CELA3B: variants seen among roughly 807,000 people sequenced by gnomAD.
CELA3B encodes chymotrypsin like elastase 3B.
Under a neutral mutation model 37.2 loss-of-function variants are expected in CELA3B, and 34 were observed. That is an observed-to-expected ratio of 0.91 (90% CI 0.70 to 1.22). The LOEUF is 1.22. Ranked by LOEUF, CELA3B falls within the 50% of genes most tolerant of loss-of-function variation. The pLI is 0.00. For missense variants in CELA3B, 340 were observed against 363.1 expected (o/e 0.94, Z 0.52); for synonymous variants, 127 against 143.5 (o/e 0.89, Z 0.82).
intron 4 of CELA3B, 63 bp downstream of exon 4, chr1:21,981,235 C>G: frequency 6.4e-7 from 1 of 1,557,906 alleles, no homozygotes; most frequent in African/African-American, 1.4e-5. Context: ...TGACCCACAG[C>G]CAAGTCTGAG....
At position 21,997,387 on chromosome 1, in the gene CELA3B, G is replaced by A. The variant is rs554293102; in HGVS notation, c.505-764G>A. ...AAAGAGCAAGACAAGAGCAAGACTC[G>A]TCTCAAAAAAAAAAAAAAATGCTGG... On this transcript the variant is annotated intron_variant, in intron 4 of 4. Transcript: ENST00000400277. Among the ~76,000 whole-genome samples the A allele has an allele frequency of 2.9e-4, 24 of 83,904 alleles. No individual in the cohort carries two copies. In the East Asian group the frequency reaches 3.0e-3, roughly 11 times the overall value. 55.0% of individuals were successfully genotyped at this position (83,904 alleles called of 152,430 possible).
At position 21,980,134 on chromosome 1, in the gene CELA3B, G is replaced by A. The variant is rs370345241; in HGVS notation, c.130-690G>A. Among the ~76,000 whole-genome samples the A allele has an allele frequency of 6.6e-3, 803 of 120,948 alleles. 24 individuals are homozygous for A. The highest frequency in any genetic ancestry group is 0.058 in the East Asian group (259 of 4,492). 79.3% of individuals were successfully genotyped at this position (120,948 alleles called of 152,430 possible). A position where few individuals can be genotyped will look rare whatever the true frequency, so the allele number is the denominator to read the frequency against. ...GGAAGAGAGGCAAAGAACTCATCAG[G>A]GTGAGCTGTGCTTCAGAAGGCTCAA... is the stretch of plus-strand genomic sequence containing the variant. On this transcript the variant is annotated intron_variant, in intron 2 of 7. Transcript: ENST00000337107.
intron 4 of CELA3B, among the ~76,000 whole-genome samples, chr1:21,995,597 C>T (rs1644887352): frequency 6.6e-6 from 1 of 151,126 alleles, no homozygotes; most frequent in Admixed American, 6.6e-5. Context: ...AAGTTATCCC[C>T]TTCCCTTTTT....
chr1:21,981,667 C>T (rs7531316), intron 4 of CELA3B, among the ~76,000 whole-genome samples: 137,085 of 151,622 alleles, frequency 0.9, 62,776 homozygotes, highest in Non-Finnish European at 0.98. Context: ...GAAGTTGGGC[C>T]TCCCGGGTGG....
Position 21,983,465 on chromosome 1 carries a change from G to A in CELA3B, c.363-229G>A, listed in dbSNP as rs574742959. ...GGAGGTGAAAGCAGGAGGATCCCTT[G>A]GCCCAGGAGGCTGCAGTGAGCTATG... On this transcript the variant is annotated intron_variant, in intron 4 of 7. Coordinates refer to ENST00000337107, the MANE Select transcript of CELA3B (RefSeq NM_007352.4). Among the ~76,000 whole-genome samples the A allele has an allele frequency of 1.9e-4, 29 of 152,254 alleles. No homozygotes were observed. In the South Asian group the frequency reaches 5.8e-3, roughly 30 times the overall value.
intron 4 of CELA3B, among the ~76,000 whole-genome samples, chr1:21,982,585 A>G (rs1644811988): frequency 1.0e-5 from 1 of 98,632 alleles, no homozygotes; most frequent in East Asian, 2.5e-4. Context: ...CAACAGAGCC[A>G]TACCCTGTCT....
chr1:21,992,065 A>T (rs1287899139), downstream of CELA3B, among the ~76,000 whole-genome samples: 1 of 150,984 alleles, frequency 6.6e-6, no homozygotes, highest in Non-Finnish European at 1.5e-5. Context: ...TGTTGCAATG[A>T]GCTGAGATCA....
chr1:21,984,673 A>G (rs1644827465), intron 6 of CELA3B, among the ~76,000 whole-genome samples: 1 of 152,160 alleles, frequency 6.6e-6, no homozygotes, highest in Non-Finnish European at 1.5e-5. Context: ...ATGGCTGGGC[A>G]TGGTGGCTCA....
At position 21,995,884 on chromosome 1, in the gene CELA3B, C is replaced by T. The variant is rs1185127041; in HGVS notation, c.505-2267C>T. Among the ~76,000 whole-genome samples, 337 of 142,324 alleles carry T rather than the reference C, an allele frequency of 2.4e-3. 1 individual carries two copies. The highest frequency in any genetic ancestry group is 4.0e-3 in the East Asian group (19 of 4,774). The allele number at this position is 142,324 out of a possible 152,430, so 93.4% of individuals were successfully genotyped here. On this transcript the variant is annotated intron_variant, in intron 4 of 4. Coordinates refer to the CELA3B transcript ENST00000400277. ...CTTGTAGATGGCCACCTTCCCTCTC[C>T]GCAGTTTCTCTGTGTCCCAGTTTCC...
At chr1:21,989,020 T>A (rs1434366977) in intron 7 of CELA3B, among the ~76,000 whole-genome samples, 2 of 151,950 alleles carry the variant, frequency 1.3e-5, no homozygotes, top group African/African-American at 4.8e-5. Context: ...TATGCACACA[T>A]CCCATCTAAA....
At chr1:21,996,948 C>T (rs1313779748) in intron 4 of CELA3B, among the ~76,000 whole-genome samples, 1 of 151,314 alleles carries the variant, frequency 6.6e-6, no homozygotes, top group African/African-American at 2.4e-5. Flanking sequence ...GAAATGTTGA[C>T]CTGTAGTCAT....
At chr1:21,983,262 G>A (rs1644815578) in intron 4 of CELA3B, among the ~76,000 whole-genome samples, 1 of 152,158 alleles carries the variant, frequency 6.6e-6, no homozygotes, top group Non-Finnish European at 1.5e-5. Flanking sequence ...GGCTGAGGCA[G>A]GAGAATCACT....
downstream of CELA3B, among the ~76,000 whole-genome samples, chr1:21,992,979 A>C (rs1267040007): frequency 4.6e-5 from 7 of 150,682 alleles, no homozygotes; most frequent in Non-Finnish European, 8.8e-5. Flanking sequence ...AAAAAAAAAA[A>C]AAAGAAAGAA....
chr1:21,988,969 G>GTATA (rs200514403), intron 7 of CELA3B, among the ~76,000 whole-genome samples: 1 of 151,356 alleles, frequency 6.6e-6, no homozygotes, highest in Non-Finnish European at 1.5e-5. Context: ...ACACACAGAC[G>GTATA]TATATATATA....
At chr1:21,979,354 G>A (rs1644790655) in intron 2 of CELA3B, among the ~76,000 whole-genome samples, 1 of 151,882 alleles carries the variant, frequency 6.6e-6, no homozygotes, top group Non-Finnish European at 1.5e-5. Flanking sequence ...TTACAGGTGT[G>A]AGTCACTGCA....
chr1:21,983,595 T>C (rs1265464500), intron 4 of CELA3B, 99 bp from the exon 5 acceptor site: 1 of 1,527,756 alleles, frequency 6.5e-7, no homozygotes, highest in South Asian at 1.2e-5. Flanking sequence ...GTGAAGGAGC[T>C]GGGGCATCTC....
At chr1:21,991,367 G>A (rs185494633), downstream of CELA3B, among the ~76,000 whole-genome samples, 3 of 144,896 alleles carry the variant, frequency 2.1e-5, no homozygotes, top group Admixed American at 1.4e-4. Flanking sequence ...TTGGAGTCTC[G>A]CTCTGTCGCC....
rs377213641 is a variant in CELA3B, at chr1:21,981,074, C to A, written c.264C>A (p.Tyr88Ter). The A allele has an allele frequency of 6.2e-7, 1 of 1,614,004 alleles. No homozygotes were observed. The highest frequency in any genetic ancestry group is 8.5e-7 in the Non-Finnish European group (1 of 1,180,028). ...CCTACCAGGTGGTGTTGGGCGAGTA[C>A]GACCGTGCTGTGAAGGAGGGCCCCG... ...SRTYQVVLGEYDRAVKEGPEQ... is the reference protein window; with the variant it reads ...SRTYQVVLGE Residue 88 changes from tyrosine to a stop codon, truncating the protein, a stop_gained, in exon 4 of 8, where the codon TAC becomes TAA. Transcript: ENST00000337107. LOFTEE classifies it high-confidence loss of function.
intron 4 of CELA3B, among the ~76,000 whole-genome samples, chr1:21,982,962 C>T (rs1457459011): frequency 6.6e-6 from 1 of 152,178 alleles, no homozygotes; most frequent in Non-Finnish European, 1.5e-5. Flanking sequence ...GATTCTGATA[C>T]AGCTGAACTG....
Sources: allele counts gnomAD v4.1 joint callset (sites outside exome capture counted in the v4.1 genomes callset), GRCh38; gene constraint gnomAD v4.1.1; transcripts MANE v1.5; gene names NCBI Gene and HGNC (gene_info 2026-07-23, HGNC 2026-07-21).